Variants in CFAP77 observed in about 807,000 individuals in gnomAD.
CFAP77 encodes the protein cilia- and flagella-associated protein 77.
In CFAP77, 25 loss-of-function variants were observed where a neutral mutation model predicts 31.1. That is an observed-to-expected ratio of 0.80 (90% CI 0.59 to 1.12). The LOEUF (loss-of-function observed/expected upper bound fraction) is 1.12. Ranked by LOEUF, CFAP77 falls within the 50% of genes most tolerant of loss-of-function variation. The pLI, the probability that CFAP77 is intolerant of heterozygous loss-of-function variation, is 0.00. For synonymous variants in CFAP77, 151 were observed against 159.9 expected, an observed-to-expected ratio of 0.94 and a Z score of 0.42; for missense variants, 377 against 397.3, an observed-to-expected ratio of 0.95 and a Z score of 0.44.
chr9:132,525,690 A>G (rs1156280612), intron 3 of CFAP77, among the ~76,000 whole-genome samples: 1 of 151,772 alleles, frequency 6.6e-6, no homozygotes, highest in East Asian at 1.9e-4. Context: ...TTTGTGTGAC[A>G]CAATCAAGAC....
intron 1 of CFAP77, among the ~76,000 whole-genome samples, chr9:132,451,660 C>T (rs1850829236): frequency 6.6e-6 from 1 of 152,060 alleles, no homozygotes; most frequent in African/African-American, 2.4e-5. Context: ...TTGATCCCCA[C>T]CACGCCCCCT....
At position 132,554,502 on chromosome 9, in the gene CFAP77, A is replaced by AT. The variant is rs796594853; in HGVS notation, c.732+11463dup. 8.6e-5 allele frequency among the ~76,000 whole-genome samples: 13 copies of AT among 151,766 alleles called. No individual in the cohort carries two copies. The highest frequency in any genetic ancestry group is 2.7e-4 in the African/African-American group (11 of 41,380). On this transcript the variant is annotated intron_variant, in intron 5 of 5. Coordinates refer to ENST00000393216, the MANE Select transcript of CFAP77 (RefSeq NM_001282957.2). The surrounding 1 kb of genome is among the most constrained non-coding windows in gnomAD (Gnocchi z 4.1). ...AGGTGCACACCACCATGCCCGGCTA[A>AT]TTTTTTTTATGTTTTGTAGAGATGG... is the stretch of plus-strand genomic sequence containing the variant.
At chr9:132,488,715 C>T (rs1274842174) in intron 1 of CFAP77, among the ~76,000 whole-genome samples, 1 of 152,230 alleles carries the variant, frequency 6.6e-6, no homozygotes, top group East Asian at 1.9e-4. Context: ...AGGCTGCTCC[C>T]AGGGGGCTTC....
intron 3 of CFAP77, among the ~76,000 whole-genome samples, chr9:132,512,771 A>T (rs1274116855): frequency 6.6e-6 from 1 of 152,122 alleles, no homozygotes; most frequent in East Asian, 1.9e-4. Context: ...ACATGGCGAA[A>T]CCTTGTCTCT....
chr9:132,420,498 C>CAA (rs111664274), intron 1 of CFAP77, among the ~76,000 whole-genome samples: 15 of 126,902 alleles, frequency 1.2e-4, no homozygotes, highest in African/African-American at 4.3e-4. Flanking sequence ...ACTAAAAATA[C>CAA]AAAAAAAAAA....
rs551584854 is a variant in CFAP77, at chr9:132,467,501, C to T, written c.196-31194C>T. 2.0e-3 allele frequency among the ~76,000 whole-genome samples: 308 copies of T among 152,308 alleles called. 1 individual carries two copies. The Middle Eastern group carries it at 0.031, about 15-fold the overall frequency. The stretch of plus-strand genomic sequence containing the variant: ...TTAGCACACTGCCGTGAAGGTCCAT[C>T]CACATTGTAGCATGTGTCAGAATTT... On this transcript the variant is annotated intron_variant, in intron 1 of 5. Coordinates refer to ENST00000393216, the MANE Select transcript of CFAP77 (RefSeq NM_001282957.2).
rs922042510 is a variant in CFAP77 at position 132,501,908 on chromosome 9, G to A, written c.524+2308G>A. 1.3e-5 allele frequency among the ~76,000 whole-genome samples: 2 copies of A among 152,186 alleles called. No individual in the cohort carries two copies. The highest frequency in any genetic ancestry group is 2.9e-5 in the Non-Finnish European group (2 of 68,032). ...ATGGTGGAAAAGACGTACAGACCAG[G>A]GTTGTGTTCCAGGAGGGGAATGGAC... is the stretch of plus-strand genomic sequence containing the variant. On this transcript the variant is annotated intron_variant, in intron 3 of 5. Transcript: ENST00000393216. This position sits in a 1 kb window ranked among gnomAD's most constrained non-coding sequence, Gnocchi z 4.6.
intron 5 of CFAP77, among the ~76,000 whole-genome samples, chr9:132,553,993 A>T (rs1441641338): frequency 2.6e-5 from 4 of 152,212 alleles, no homozygotes; most frequent in African/African-American, 7.2e-5. Context: ...CATGTCTTCA[A>T]TGCCTACACT....
chr9:132,554,454 G>T lies in CFAP77; in HGVS notation c.732+11407G>T, dbSNP rs1239476212. ...TAGGCTCAGGTGATCCCCCACCTCA[G>T]CCTCCCAAGTAGTTGGGACTACAGG... On this transcript the variant is annotated intron_variant, in intron 5 of 5. Transcript: ENST00000393216. This position sits in a 1 kb window ranked among gnomAD's most constrained non-coding sequence, Gnocchi z 4.1. 6.6e-6 allele frequency among the ~76,000 whole-genome samples: 1 copy of T among 151,880 alleles called. No homozygotes were observed. Among genetic ancestry groups the T allele is most frequent in the African/African-American group, 2.4e-5 (1 of 41,300 alleles).
intron 1 of CFAP77, among the ~76,000 whole-genome samples, chr9:132,478,845 C>T (rs928548662): frequency 2.0e-5 from 3 of 152,206 alleles, no homozygotes; most frequent in South Asian, 4.1e-4. Context: ...ATTAGATTTC[C>T]GCTCTGCAGC....
chr9:132,569,650 G>T (rs1023201412), intron 5 of CFAP77, among the ~76,000 whole-genome samples: 2 of 151,806 alleles, frequency 1.3e-5, no homozygotes, highest in African/African-American at 4.8e-5. Context: ...GTCCAAGCCG[G>T]CTGGACACCA....
intron 5 of CFAP77, among the ~76,000 whole-genome samples, chr9:132,569,364 C>T (rs1829925958): frequency 1.3e-5 from 2 of 151,688 alleles, no homozygotes; most frequent in African/African-American, 4.8e-5. Context: ...CATGGTTGTG[C>T]CACTGCACTC....
In CFAP77 at chr9:132,572,604, T is replaced by G. The variant is rs763118194; in HGVS notation, c.*94T>G. The G allele has an allele frequency of 1.6e-6, 2 of 1,271,142 alleles. No individual in the cohort carries two copies. The highest frequency in any genetic ancestry group is 2.2e-6 in the Non-Finnish European group (2 of 929,380). 78.7% of individuals were successfully genotyped at this position (1,271,142 alleles called of 1,614,324 possible). On this transcript the variant is annotated 3_prime_UTR_variant, in exon 6 of 6. Transcript: ENST00000393216. ...TGCCCCAACCCTGACATTCCCCCAT[T>G]TTTATGCAGGTTCTGCTTCAAGGAG...
chr9:132,462,296 T>G (rs1851064952), intron 1 of CFAP77, among the ~76,000 whole-genome samples: 1 of 152,056 alleles, frequency 6.6e-6, no homozygotes, highest in Non-Finnish European at 1.5e-5. Flanking sequence ...TACGTGCAAG[T>G]GGTCCTGCTC....
rs960931204 is a variant in CFAP77 at position 132,480,177 on chromosome 9, G to A, written c.196-18518G>A. Reference sequence around the variant, plus strand: ...TGCTCTCCTGGACCGCCCTCCCCAGGAGCCACCAGACTCCCTCTTGCTCCT... The same window carrying A: ...TGCTCTCCTGGACCGCCCTCCCCAGAAGCCACCAGACTCCCTCTTGCTCCT... On this transcript the variant is annotated intron_variant, in intron 1 of 5. Transcript: ENST00000393216. This position sits in a 1 kb window ranked among gnomAD's most constrained non-coding sequence, Gnocchi z 5.8. Among the ~76,000 whole-genome samples, 1 of 152,126 alleles carries A rather than the reference G, an allele frequency of 6.6e-6. No individual in the cohort carries two copies.
intron 5 of CFAP77, among the ~76,000 whole-genome samples, chr9:132,569,776 T>C (rs1432864050): frequency 6.8e-6 from 1 of 146,614 alleles, no homozygotes; most frequent in Non-Finnish European, 1.5e-5. Flanking sequence ...CGCTCTGTTG[T>C]CCAGGCTGGA....
intron 1 of CFAP77, among the ~76,000 whole-genome samples, chr9:132,475,192 T>C (rs1851330908): frequency 6.6e-6 from 1 of 152,230 alleles, no homozygotes; most frequent in Non-Finnish European, 1.5e-5. Flanking sequence ...TTTTAAACTT[T>C]CCAGCAAATG....
At chr9:132,504,874 G>A (rs1851907254) in intron 3 of CFAP77, among the ~76,000 whole-genome samples, 1 of 152,232 alleles carries the variant, frequency 6.6e-6, no homozygotes, top group Admixed American at 6.5e-5. Flanking sequence ...TTACTTTAAA[G>A]TTATGGGGCC....
In CFAP77 at chr9:132,539,011, C is replaced by A. The variant is rs1024989256; in HGVS notation, c.630+1305C>A. Among the ~76,000 whole-genome samples the A allele has an allele frequency of 6.6e-6, 1 of 151,254 alleles. No homozygotes were observed. On this transcript the variant is annotated intron_variant, in intron 4 of 5. Transcript: ENST00000393216. This position sits in a 1 kb window ranked among gnomAD's most constrained non-coding sequence, Gnocchi z 4.3. ...CTGAGGCAAGAGAGTTGCTTGGACC[C>A]AGGAGGTGGAGGTTGCAGTGAGCCA...
Sources: gnomAD v4.1 joint callset for allele counts (sites outside exome capture counted in the v4.1 genomes callset) on GRCh38, gnomAD v4.1.1 for gene constraint, Gnocchi (gnomAD v3.1) non-coding constraint, MANE v1.5 for transcripts, NCBI Gene and HGNC (gene_info 2026-07-23, HGNC 2026-07-21) for gene names.